SEMA6D: variants seen among roughly 807,000 people sequenced by gnomAD.
The protein encoded by SEMA6D is semaphorin 6D, also known as semaphorin-6D.
Under a neutral mutation model 106.6 loss-of-function variants are expected in SEMA6D, and 35 were observed. That is an observed-to-expected ratio of 0.33 (90% CI 0.25 to 0.44). SEMA6D has a LOEUF of 0.44. Ranked by LOEUF, SEMA6D falls within the 20% of genes least tolerant of loss-of-function variation. The pLI is 1.00. For synonymous variants in SEMA6D, 499 were observed against 487.7 expected (o/e 1.02, Z -0.31); for missense variants, 1,185 against 1,345.9 (o/e 0.88, Z 1.87).
chr15:47,345,211 A>T (rs565120266), intron 1 of SEMA6D, among the ~76,000 whole-genome samples: 1 of 152,322 alleles, frequency 6.6e-6, no homozygotes, highest in South Asian at 2.1e-4. Flanking sequence ...GTAGAAATTG[A>T]CAAACTGATT....
chr15:47,223,161 G>T (rs565198542), intron 1 of SEMA6D, among the ~76,000 whole-genome samples: 6 of 150,340 alleles, frequency 4.0e-5, no homozygotes, highest in African/African-American at 7.2e-5. Context: ...GAAGATTTTG[G>T]TTTTCTGCAG....
At chr15:47,294,255 G>C (rs2035715500) in intron 1 of SEMA6D, among the ~76,000 whole-genome samples, 1 of 150,444 alleles carries the variant, frequency 6.6e-6, no homozygotes, top group Admixed American at 6.6e-5. Context: ...TTTTTTCTTG[G>C]AGTCTTTCTC....
At chr15:47,654,653 A>T (rs1287353118) in intron 4 of SEMA6D, among the ~76,000 whole-genome samples, 1 of 152,190 alleles carries the variant, frequency 6.6e-6, no homozygotes, top group African/African-American at 2.4e-5. Context: ...ATTGGTGATA[A>T]GTGAGCTCTC....
At chr15:47,389,244 A>G (rs1441730512) in intron 1 of SEMA6D, among the ~76,000 whole-genome samples, 1 of 152,228 alleles carries the variant, frequency 6.6e-6, no homozygotes, top group Non-Finnish European at 1.5e-5. Flanking sequence ...ATGCATATAT[A>G]AAGTGCCTAG....
intron 3 of SEMA6D, among the ~76,000 whole-genome samples, chr15:47,520,953 G>A (rs2044553127): frequency 6.6e-6 from 1 of 152,158 alleles, no homozygotes; most frequent in Non-Finnish European, 1.5e-5. Context: ...TATTTCTTGA[G>A]CTTTAGTTAC....
intron 3 of SEMA6D, among the ~76,000 whole-genome samples, chr15:47,565,099 G>A (rs1048644421): frequency 1.3e-5 from 2 of 152,138 alleles, no homozygotes; most frequent in African/African-American, 4.8e-5. Flanking sequence ...AAAAGTTTAG[G>A]ATCAAGTACA....
At chr15:47,257,313 C>T (rs991094055) in intron 1 of SEMA6D, among the ~76,000 whole-genome samples, 34 of 152,088 alleles carry the variant, frequency 2.2e-4, no homozygotes, top group African/African-American at 8.2e-4. Context: ...CGCCTTGGCC[C>T]CCCAAAGTTC....
intron 1 of SEMA6D, among the ~76,000 whole-genome samples, chr15:47,217,816 A>G (rs533864499): frequency 1.0e-3 from 154 of 151,532 alleles, no homozygotes; most frequent in Non-Finnish European, 2.0e-3. Flanking sequence ...GTATATACAC[A>G]TACACACAAA....
At chr15:47,768,468 C>A in intron 17 of SEMA6D, 113 bp from the exon 18 acceptor site, 1 of 931,692 alleles carries the variant, frequency 1.1e-6, no homozygotes, top group Admixed American at 3.0e-5. Context: ...TTACAAAATC[C>A]TAGAGCAAAC....
At chr15:47,424,811 G>A (rs1027268202) in intron 2 of SEMA6D, among the ~76,000 whole-genome samples, 4 of 152,096 alleles carry the variant, frequency 2.6e-5, no homozygotes, top group African/African-American at 4.8e-5. Context: ...CATACAAATT[G>A]ATTAATGTGA....
chr15:47,399,578 A>G (rs551828234), intron 1 of SEMA6D: 8 of 152,358 alleles, frequency 5.3e-5, no homozygotes, highest in African/African-American at 1.9e-4. Flanking sequence ...TGGCTTAAGA[A>G]TATGACCTTC....
At position 47,765,707 on chromosome 15, in the gene SEMA6D, G is replaced by T. The variant is rs922694806; in HGVS notation, c.1428-162G>T. 7.6e-6 allele frequency: 5 copies of T among 653,800 alleles called. No individual in the cohort carries two copies. The African/African-American group carries it at 9.5e-5, about 12-fold the overall frequency. The allele number at this position is 653,800 out of a possible 1,614,324, so 40.5% of individuals were successfully genotyped here. ...CCTGAAATTTAACCAACCATGCAGA[G>T]AAGTAGAAGATGAATCACATAATTA... is the stretch of plus-strand genomic sequence containing the variant. On this transcript the variant is annotated intron_variant, in intron 13 of 18. Coordinates refer to ENST00000536845, the MANE Select transcript of SEMA6D (RefSeq NM_001358351.3).
At chr15:47,766,531 C>A in intron 15 of SEMA6D, 85 bp from the exon 16 acceptor site, 2 of 1,164,660 alleles carry the variant, frequency 1.7e-6, no homozygotes, top group South Asian at 1.3e-5. Context: ...ACTAATCAGT[C>A]TGTGTTCTTG....
At chr15:47,633,940 T>A (rs1368222203) in intron 4 of SEMA6D, among the ~76,000 whole-genome samples, 1 of 152,216 alleles carries the variant, frequency 6.6e-6, no homozygotes, top group Non-Finnish European at 1.5e-5. Flanking sequence ...TTTCTTTTGC[T>A]TATTACATTT....
intron 3 of SEMA6D, among the ~76,000 whole-genome samples, chr15:47,482,660 G>A (rs1192800579): frequency 1.3e-5 from 2 of 152,142 alleles, no homozygotes; most frequent in African/African-American, 4.8e-5. Flanking sequence ...CATAGGGTAT[G>A]AGGAAAAATG....
intron 1 of SEMA6D, among the ~76,000 whole-genome samples, chr15:47,365,834 C>CTAGG (rs1471716883): frequency 9.7e-5 from 14 of 145,076 alleles, no homozygotes; most frequent in African/African-American, 3.1e-4. Flanking sequence ...GCACTCCAGC[C>CTAGG]TAGGCAACAG....
chr15:47,265,756 C>T (rs2034287727), intron 1 of SEMA6D, among the ~76,000 whole-genome samples: 1 of 152,002 alleles, frequency 6.6e-6, no homozygotes, highest in Non-Finnish European at 1.5e-5. Flanking sequence ...ATTTCCCCCA[C>T]TGTGGGGATT....
intron 4 of SEMA6D, among the ~76,000 whole-genome samples, chr15:47,613,716 C>T (rs368553262): frequency 2.0e-5 from 3 of 152,034 alleles, no homozygotes; most frequent in Admixed American, 6.5e-5. Flanking sequence ...TGTGGTGGCG[C>T]GATCTCAGCT....
chr15:47,319,541 C>A (rs990168223), intron 1 of SEMA6D, among the ~76,000 whole-genome samples: 3 of 151,912 alleles, frequency 2.0e-5, no homozygotes, highest in Non-Finnish European at 4.4e-5. Flanking sequence ...TTGTTTTTCT[C>A]CCCCCACCCC....
Sources: allele counts gnomAD v4.1 joint callset (sites outside exome capture counted in the v4.1 genomes callset), GRCh38; gene constraint gnomAD v4.1.1; transcripts MANE v1.5; gene names NCBI Gene and HGNC (gene_info 2026-07-23, HGNC 2026-07-21).